The following SLC14A2 variants were observed in gnomAD, a reference collection of about 807,000 sequenced individuals.
SLC14A2 encodes the protein urea transporter 2.
A neutral mutation model predicts 104.6 loss-of-function variants in SLC14A2; 91 were observed. The observed-to-expected ratio is 0.87, with a 90% CI of 0.73 to 1.04. The LOEUF (loss-of-function observed/expected upper bound fraction) is 1.04, where lower values mean the gene tolerates loss of function less well. Among genes scored for constraint, SLC14A2 ranks in the 50% least tolerant of loss-of-function variants. The pLI, the probability that SLC14A2 is intolerant of heterozygous loss-of-function variation, is 0.00. For missense variants in SLC14A2, 1,189 were observed against 1,156.0 expected (o/e 1.03, Z -0.41); for synonymous variants, 476 against 466.4 (o/e 1.02, Z -0.27).
At chr18:45,635,092 T>A (rs971803574) in intron 5 of SLC14A2, 6 of 330,184 alleles carry the variant, frequency 1.8e-5, no homozygotes, top group Non-Finnish European at 3.5e-5. Context: ...CCTAGGTTGA[T>A]ACAAAAGACC....
intron 2 of SLC14A2, among the ~76,000 whole-genome samples, chr18:45,513,623 T>C (rs984892273): frequency 1.4e-4 from 21 of 152,302 alleles, no homozygotes; most frequent in Non-Finnish European, 2.6e-4. Context: ...TAAGAGTGTT[T>C]AGATTTTATC....
upstream of SLC14A2, among the ~76,000 whole-genome samples, chr18:45,209,647 T>TTAGAA (rs2083946226): frequency 6.6e-6 from 1 of 152,130 alleles, no homozygotes; most frequent in South Asian, 2.1e-4. Flanking sequence ...TTCAAGTTAG[T>TTAGAA]TAGAATCTAA....
chr18:45,181,825 CTT>C, the SLC14A2 span, among the ~76,000 whole-genome samples: 3 of 152,088 alleles, frequency 2.0e-5, no homozygotes, highest in Middle Eastern at 3.4e-3. Flanking sequence ...CTGTGCGACT[CTT>C]TATTAAGTAG....
At chr18:45,664,967 T>C (rs1234274769) in intron 11 of SLC14A2, among the ~76,000 whole-genome samples, 3 of 152,134 alleles carry the variant, frequency 2.0e-5, no homozygotes, top group South Asian at 4.1e-4. Flanking sequence ...CCTGCAGCAC[T>C]GGCAGGCAGA....
At chr18:45,175,099 G>A in the SLC14A2 span, among the ~76,000 whole-genome samples, 1 of 152,106 alleles carries the variant, frequency 6.6e-6, no homozygotes, top group Non-Finnish European at 1.5e-5. Flanking sequence ...AATACCCTTT[G>A]ACCTGTAATC....
chr18:45,599,091 T>G lies in SLC14A2; in HGVS notation c.-34-25540T>G, dbSNP rs551701373. 2.2e-4 allele frequency among the ~76,000 whole-genome samples: 34 copies of G among 152,248 alleles called. 1 individual carries two copies. Among genetic ancestry groups the G allele is most frequent in the South Asian group, 1.7e-3 (8 of 4,826 alleles). ...AGAGAGAAAGTCATAAACATTCAAA[T>G]AAATATATAAATATAAACAAGTCTA... On this transcript the variant is annotated intron_variant, in intron 2 of 20. Transcript: ENST00000586448.
chr18:45,262,123 C>T (rs1452882411), intron 1 of SLC14A2, among the ~76,000 whole-genome samples: 8 of 152,248 alleles, frequency 5.3e-5, no homozygotes, highest in African/African-American at 1.7e-4. Context: ...GATGGTATCT[C>T]ATTGTGGTTT....
intron 1 of SLC14A2, among the ~76,000 whole-genome samples, chr18:45,317,945 A>G (rs1053492856): frequency 6.6e-6 from 1 of 152,096 alleles, no homozygotes; most frequent in African/African-American, 2.4e-5. Context: ...CCACCTCAAG[A>G]GCTTTGGAGC....
At chr18:45,213,823 A>T (rs2083983411) in intron 1 of SLC14A2, among the ~76,000 whole-genome samples, 1 of 152,202 alleles carries the variant, frequency 6.6e-6, no homozygotes, top group African/African-American at 2.4e-5. Context: ...TTTGGGGGAA[A>T]GTATCAACCC....
intron 2 of SLC14A2, among the ~76,000 whole-genome samples, chr18:45,584,615 G>C (rs922474969): frequency 6.6e-6 from 1 of 152,172 alleles, no homozygotes; most frequent in African/African-American, 2.4e-5. Context: ...GAGTTGAGCT[G>C]CCCCTTAGGA....
chr18:45,330,853 A>G (rs2085283160), intron 1 of SLC14A2, among the ~76,000 whole-genome samples: 1 of 152,198 alleles, frequency 6.6e-6, no homozygotes, highest in African/African-American at 2.4e-5. Flanking sequence ...TGAGTCTACA[A>G]TTCCTGAGCT....
intron 10 of SLC14A2, among the ~76,000 whole-genome samples, chr18:45,661,523 A>G (rs2045937045): frequency 6.6e-6 from 1 of 152,334 alleles, no homozygotes; most frequent in South Asian, 2.1e-4. Flanking sequence ...TGCAATTCCT[A>G]GCTTTGCCAG....
At chr18:45,521,856 G>A (rs895154839) in intron 2 of SLC14A2, among the ~76,000 whole-genome samples, 1 of 152,076 alleles carries the variant, frequency 6.6e-6, no homozygotes, top group South Asian at 2.1e-4. Flanking sequence ...GGCAGGAAGG[G>A]GTGTGGCTGA....
intron 2 of SLC14A2, among the ~76,000 whole-genome samples, chr18:45,536,343 C>A (rs2043782606): frequency 6.6e-6 from 1 of 152,214 alleles, no homozygotes; most frequent in South Asian, 2.1e-4. Context: ...AGAAATTTAT[C>A]CTTTCACAGT....
Position 45,625,690 on chromosome 18 carries a change from G to T in SLC14A2, c.158G>T (p.Arg53Leu). 6.5e-7 allele frequency: 1 copy of T among 1,544,782 alleles called. No individual in the cohort carries two copies. Among genetic ancestry groups the T allele is most frequent in the Non-Finnish European group, 8.7e-7 (1 of 1,151,520 alleles). Residue 53 changes from arginine (R) to leucine (L), a missense_variant, in exon 3 of 20, where the codon CGG becomes CTG. Transcript: ENST00000255226. ...GTTGGTTTCTCCTAAAAGGATCTCC[G>T]GTCTTCCAATGAAGACAGTCACATT... The part of the protein sequence containing the change: ...LLEMPEEKDL[R>L]SSNEDSHIVK...
In SLC14A2 at chr18:45,285,661, GCCC is replaced by G. The variant is rs10536916; in HGVS notation, c.-125+72481_-125+72483del. ...TCGAACTCCTGACCTCAGGTGATCT[GCCC>G]CCCCCCCCCCTCGGCCTCCCAAAGT... On this transcript the variant is annotated intron_variant, in intron 1 of 20. Coordinates refer to the SLC14A2 transcript ENST00000586448. Among the ~76,000 whole-genome samples, 1,177 of 125,086 alleles carry G rather than the reference GCCC, an allele frequency of 9.4e-3. 26 individuals carry two copies. The highest frequency in any genetic ancestry group is 0.029 in the African/African-American group (1,084 of 36,772). The allele number at this position is 125,086 out of a possible 152,430, so 82.1% of individuals were successfully genotyped here.
chr18:45,592,083 G>T (rs28400322), intron 2 of SLC14A2, among the ~76,000 whole-genome samples: 11 of 152,036 alleles, frequency 7.2e-5, no homozygotes, highest in African/African-American at 2.7e-4. Flanking sequence ...GGGTCAAGAA[G>T]AGTCAGCATC....
At chr18:45,416,009 C>G (rs2086272988) in intron 1 of SLC14A2, among the ~76,000 whole-genome samples, 1 of 152,166 alleles carries the variant, frequency 6.6e-6, no homozygotes. Context: ...TTCTAACCAC[C>G]TCTTTTATTT....
intron 1 of SLC14A2, among the ~76,000 whole-genome samples, chr18:45,277,963 C>T (rs2084720676): frequency 6.6e-6 from 1 of 152,188 alleles, no homozygotes; most frequent in African/African-American, 2.4e-5. Flanking sequence ...CTCCACCTCC[C>T]CCTCCATGCC....
Sources: gnomAD v4.1 joint callset for allele counts (sites outside exome capture counted in the v4.1 genomes callset) on GRCh38, gnomAD v4.1.1 for gene constraint, MANE v1.5 for transcripts, NCBI Gene and HGNC (gene_info 2026-07-23, HGNC 2026-07-21) for gene names.